KANK1: variants seen among roughly 807,000 people sequenced by gnomAD.
KANK1 encodes KN motif and ankyrin repeat domains 1, also known as KN motif and ankyrin repeat domain-containing protein 1.
In KANK1, 109 loss-of-function variants were observed where a neutral mutation model predicts 106.2. The observed-to-expected ratio is 1.03, with a 90% CI of 0.88 to 1.20. The LOEUF is 1.20. Ranked by LOEUF, KANK1 falls within the 50% of genes most tolerant of loss-of-function variation. KANK1 has a pLI of 0.00. For missense variants in KANK1, 2,399 were observed against 1,710.7 expected, an observed-to-expected ratio of 1.40 and a Z score of -7.10; for synonymous variants, 873 against 652.2, an observed-to-expected ratio of 1.34 and a Z score of -5.16.
upstream of KANK1, among the ~76,000 whole-genome samples, chr9:504,420 T>C (rs1018660815): frequency 6.6e-6 from 1 of 151,574 alleles, no homozygotes; most frequent in African/African-American, 2.4e-5. Flanking sequence ...GCAGGCGCAC[T>C]GAGGGCCGCC....
intron 1 of KANK1, among the ~76,000 whole-genome samples, chr9:672,220 C>G (rs1209362156): frequency 6.6e-6 from 1 of 152,106 alleles, no homozygotes; most frequent in Admixed American, 6.5e-5. Context: ...TCTAAAACTC[C>G]CTGTGCTTGT....
Position 494,122 on chromosome 9 carries a change from C to T in KANK1, c.-362+20849C>T, listed in dbSNP as rs954640646. On this transcript the variant is annotated intron_variant, in intron 3 of 15. Coordinates refer to the KANK1 transcript ENST00000382303. ...GGTCTGGAACTCCTGACCTCGTGAT[C>T]CGCCTGCCTTGACCTCCCAAAGTGC... Among the ~76,000 whole-genome samples, 3 of 152,118 alleles carry T rather than the reference C, an allele frequency of 2.0e-5. No individual in the cohort carries two copies. In the East Asian group the frequency reaches 5.8e-4, roughly 29 times the overall value.
At chr9:734,556 C>G (rs1833237800) in intron 6 of KANK1, 192 bp from the exon 7 acceptor site, 1 of 464,780 alleles carries the variant, frequency 2.2e-6, no homozygotes, top group Admixed American at 3.3e-5. Flanking sequence ...GTCCCAGCTA[C>G]TAGGGAGGCT....
At chr9:636,248 C>T (rs901245148) in intron 1 of KANK1, among the ~76,000 whole-genome samples, 3 of 152,116 alleles carry the variant, frequency 2.0e-5, no homozygotes, top group Non-Finnish European at 2.9e-5. Flanking sequence ...TCTTTATATG[C>T]AGAACTCTCC....
chr9:693,631 C>G, intron 2 of KANK1: 1 of 985,358 alleles, frequency 1.0e-6, no homozygotes, highest in Non-Finnish European at 1.2e-6. Context: ...GCTGTTAGTT[C>G]GTCAGGAAAT....
chr9:653,920 T>C (rs1841489122), intron 1 of KANK1, among the ~76,000 whole-genome samples: 2 of 152,174 alleles, frequency 1.3e-5, no homozygotes, highest in South Asian at 4.1e-4. Context: ...CCCATCACAC[T>C]AGCACAACTG....
chr9:673,049 A>AT (rs1185478396), intron 1 of KANK1, among the ~76,000 whole-genome samples: 1 of 152,154 alleles, frequency 6.6e-6, no homozygotes, highest in African/African-American at 2.4e-5. Context: ...ATGCACCGAC[A>AT]TAAGAATCTG....
chr9:631,316 G>T (rs1835679124), intron 1 of KANK1, among the ~76,000 whole-genome samples: 1 of 152,134 alleles, frequency 6.6e-6, no homozygotes. Context: ...TAGCACCCCA[G>T]GATTTGTGGG....
intron 1 of KANK1, among the ~76,000 whole-genome samples, chr9:531,550 C>T (rs1016852924): frequency 6.6e-6 from 1 of 152,182 alleles, no homozygotes; most frequent in African/African-American, 2.4e-5. Flanking sequence ...AAGCAAAACT[C>T]AATTTGAGAG....
intron 1 of KANK1, among the ~76,000 whole-genome samples, chr9:537,227 G>T (rs557706008): frequency 6.6e-6 from 1 of 152,116 alleles, no homozygotes; most frequent in African/African-American, 2.4e-5. Flanking sequence ...CTGCTCTTGC[G>T]TGGGAAAATT....
At chr9:560,297 G>A (rs1052636859) in intron 1 of KANK1, among the ~76,000 whole-genome samples, 1 of 152,222 alleles carries the variant, frequency 6.6e-6, no homozygotes. Flanking sequence ...TTATGGATAA[G>A]TTGGAAAAGC....
intron 3 of KANK1, among the ~76,000 whole-genome samples, chr9:718,402 TC>T (rs1337047305): frequency 6.8e-6 from 1 of 146,166 alleles, no homozygotes; most frequent in East Asian, 2.1e-4. Context: ...AGCCTGAACT[TC>T]CCGAGCTCTA....
chr9:646,846 A>G (rs1192095452), intron 1 of KANK1, among the ~76,000 whole-genome samples: 2 of 145,708 alleles, frequency 1.4e-5, no homozygotes, highest in Non-Finnish European at 2.9e-5. Context: ...GGTGCATGCC[A>G]CCACGCCTGG....
intron 1 of KANK1, among the ~76,000 whole-genome samples, chr9:582,083 G>A (rs145855435): frequency 1.4e-4 from 21 of 152,274 alleles, no homozygotes; most frequent in African/African-American, 3.6e-4. Context: ...GTTGGTAACT[G>A]CTCAAATGCT....
At chr9:540,653 A>G (rs1243502825) in intron 1 of KANK1, 1 of 152,202 alleles carries the variant, frequency 6.6e-6, no homozygotes. Flanking sequence ...ATCCTGGGAT[A>G]TTCTTTGTTG....
At chr9:557,171 A>G (rs2061641733) in intron 1 of KANK1, among the ~76,000 whole-genome samples, 1 of 149,340 alleles carries the variant, frequency 6.7e-6, no homozygotes, top group Non-Finnish European at 1.5e-5. Flanking sequence ...TGACAGAGCA[A>G]GACCATGTCT....
chr9:734,481 CAT>C (rs1833205889), intron 6 of KANK1: 1 of 316,488 alleles, frequency 3.2e-6, no homozygotes, highest in South Asian at 3.4e-5. Context: ...GCCTGGCCAA[CAT>C]AGTGAAACCC....
At chr9:569,659 A>G (rs944098903) in intron 1 of KANK1, among the ~76,000 whole-genome samples, 2 of 152,222 alleles carry the variant, frequency 1.3e-5, no homozygotes, top group African/African-American at 2.4e-5. Flanking sequence ...ATTGACTGAG[A>G]CAATACGTAT....
At chr9:472,127 A>G (rs2058032791) in intron 2 of KANK1, among the ~76,000 whole-genome samples, 1 of 152,198 alleles carries the variant, frequency 6.6e-6, no homozygotes, top group African/African-American at 2.4e-5. Flanking sequence ...CTTTTCTATC[A>G]GGGAATACAC....
Sources: allele counts gnomAD v4.1 joint callset (sites outside exome capture counted in the v4.1 genomes callset), GRCh38; gene constraint gnomAD v4.1.1; transcripts MANE v1.5; gene names NCBI Gene and HGNC (gene_info 2026-07-23, HGNC 2026-07-21).